The following C12orf75 variants were observed in gnomAD, a reference collection of about 807,000 sequenced individuals.
The protein encoded by C12orf75 is overexpressed in colon carcinoma 1 protein.
Under a neutral mutation model 11.4 loss-of-function variants are expected in C12orf75, and 4 were observed. The observed-to-expected ratio is 0.35, with a 90% CI of 0.17 to 0.80. C12orf75 has a LOEUF of 0.80. Ranked by LOEUF, C12orf75 falls within the 30% of genes least tolerant of loss-of-function variation. The probability of loss-of-function intolerance (pLI) is 0.52; values close to 1 mark genes in which losing one functional copy is unlikely to be tolerated. For synonymous variants in C12orf75, 30 were observed against 30.0 expected (o/e 1.00, Z 0.00); for missense variants, 89 against 80.4 (o/e 1.11, Z -0.41).
At chr12:105,369,765 A>C (rs765398240) in intron 5 of C12orf75, among the ~76,000 whole-genome samples, 7 of 152,142 alleles carry the variant, frequency 4.6e-5, no homozygotes, top group Non-Finnish European at 8.8e-5. Context: ...CCTCCTTTGA[A>C]TTATCTGAAA....
chr12:105,357,841 GAGACAGACAGAC>G (rs548894494), intron 2 of C12orf75, among the ~76,000 whole-genome samples: 2 of 149,088 alleles, frequency 1.3e-5, no homozygotes, highest in Admixed American at 6.7e-5. Context: ...GAGAGAGAGA[GAGACAGACAGAC>G]AGACAGACAG....
At chr12:105,347,922 T>C (rs1472776582) in intron 1 of C12orf75, among the ~76,000 whole-genome samples, 1 of 152,192 alleles carries the variant, frequency 6.6e-6, no homozygotes, top group African/African-American at 2.4e-5. Context: ...GACACCAACT[T>C]AAAAGGTGTA....
chr12:105,368,244 C>G (rs1871533854), intron 5 of C12orf75, among the ~76,000 whole-genome samples: 2 of 152,152 alleles, frequency 1.3e-5, no homozygotes, highest in Non-Finnish European at 2.9e-5. Context: ...CTGGGTCCAC[C>G]AAGGGTCCAA....
intron 2 of C12orf75, among the ~76,000 whole-genome samples, chr12:105,359,034 G>A (rs1242321425): frequency 6.6e-6 from 1 of 152,140 alleles, no homozygotes; most frequent in Admixed American, 6.5e-5. Flanking sequence ...GCAAGAGCAG[G>A]ATTTGTCTTG....
At position 105,368,474 on chromosome 12, in the gene C12orf75, C is replaced by G. The variant is rs183697342; in HGVS notation, c.*33+965C>G. On this transcript the variant is annotated intron_variant, in intron 5 of 5. Coordinates refer to ENST00000443585, the MANE Select transcript of C12orf75 (RefSeq NM_001145199.2). The stretch of plus-strand genomic sequence containing the variant: ...CAGTTTTGTTATCTGAAAAATGGAG[C>G]CAATACTTAGACTGAAGAGTTGTTG... Among the ~76,000 whole-genome samples the G allele has an allele frequency of 8.5e-5, 13 of 152,258 alleles. No individual in the cohort carries two copies. In the East Asian group the frequency reaches 2.5e-3, roughly 29 times the overall value.
At chr12:105,368,844 C>T (rs1327491344) in intron 5 of C12orf75, among the ~76,000 whole-genome samples, 3 of 152,098 alleles carry the variant, frequency 2.0e-5, no homozygotes, top group Non-Finnish European at 2.9e-5. Context: ...AGTTTTATCC[C>T]CTCGTACCCA....
At chr12:105,356,439 C>CTTTTT (rs77310165) in intron 2 of C12orf75, among the ~76,000 whole-genome samples, 13 of 106,320 alleles carry the variant, frequency 1.2e-4, no homozygotes, top group South Asian at 3.5e-4. Flanking sequence ...AGACTACAGG[C>CTTTTT]TTTTTTTTTT....
At chr12:105,355,177 T>C (rs1566140098) in intron 2 of C12orf75, among the ~76,000 whole-genome samples, 1 of 126,046 alleles carries the variant, frequency 7.9e-6, no homozygotes, top group African/African-American at 3.1e-5. Flanking sequence ...TCTTTTTCTT[T>C]TTCTTTTTTT....
At chr12:105,344,085 G>T (rs1031630478) in intron 1 of C12orf75, among the ~76,000 whole-genome samples, 7 of 152,174 alleles carry the variant, frequency 4.6e-5, no homozygotes, top group African/African-American at 1.7e-4. Flanking sequence ...CCTTGATGGT[G>T]CCCATAGCTT....
At chr12:105,356,573 C>T (rs1474943281) in intron 2 of C12orf75, among the ~76,000 whole-genome samples, 1 of 151,284 alleles carries the variant, frequency 6.6e-6, no homozygotes, top group Non-Finnish European at 1.5e-5. Context: ...TTCTAGAAGC[C>T]TAAGGGAAGT....
intron 1 of C12orf75, among the ~76,000 whole-genome samples, chr12:105,340,430 C>CAAAA (rs60658476): frequency 3.9e-4 from 45 of 115,396 alleles, no homozygotes; most frequent in African/African-American, 1.2e-3. Flanking sequence ...GTGCCCCCGC[C>CAAAA]AAAAAAAAAA....
At chr12:105,348,508 T>G in intron 1 of C12orf75, 94 bp from the exon 2 acceptor site, 1 of 762,390 alleles carries the variant, frequency 1.3e-6, no homozygotes, top group Middle Eastern at 3.4e-4. Flanking sequence ...CATTTTCTCT[T>G]CAGGAATATT....
chr12:105,340,114 G>C (rs932511623), intron 1 of C12orf75, among the ~76,000 whole-genome samples: 1 of 151,966 alleles, frequency 6.6e-6, no homozygotes, highest in African/African-American at 2.4e-5. Flanking sequence ...CCAAGATATT[G>C]TGTCCATCTA....
intron 1 of C12orf75, among the ~76,000 whole-genome samples, chr12:105,345,419 G>A (rs1892625954): frequency 1.3e-5 from 2 of 151,872 alleles, no homozygotes; most frequent in Admixed American, 1.3e-4. Context: ...GAACCCAGGA[G>A]GCGGAGGTTG....
rs78053971 is a variant in C12orf75 at position 105,335,068 on chromosome 12, T to C, written c.46+4131T>C. Among the ~76,000 whole-genome samples, 518 of 152,372 alleles carry C rather than the reference T, an allele frequency of 3.4e-3. 3 individuals are homozygous for C. Among genetic ancestry groups the C allele is most frequent in the African/African-American group, 0.011 (475 of 41,584 alleles). On this transcript the variant is annotated intron_variant, in intron 1 of 5. Coordinates refer to ENST00000443585, the MANE Select transcript of C12orf75 (RefSeq NM_001145199.2). ...AGTTGAATTTTTTCTGCCAGAGATA[T>C]GTAATTGGTAACTGATCTTAACTTT... is the stretch of plus-strand genomic sequence containing the variant.
rs970968719 is a variant in C12orf75, at chr12:105,338,481, G to T, written c.46+7544G>T. Among the ~76,000 whole-genome samples, 9 of 152,056 alleles carry T rather than the reference G, an allele frequency of 5.9e-5. No homozygotes were observed. The South Asian group carries it at 1.9e-3, about 32-fold the overall frequency. The stretch of plus-strand genomic sequence containing the variant: ...GAGCCACTGCGCCTGGCCATTTTTT[G>T]GTTTTTACTTGCCTAAAGTATAGCT... On this transcript the variant is annotated intron_variant, in intron 1 of 5. Transcript: ENST00000443585.
intron 1 of C12orf75, among the ~76,000 whole-genome samples, chr12:105,346,112 G>C (rs973655116): frequency 4.6e-5 from 7 of 152,002 alleles, no homozygotes; most frequent in African/African-American, 1.7e-4. Flanking sequence ...TCAACCAATT[G>C]CCAATCAGGA....
rs151193218 is a variant in C12orf75 at position 105,331,545 on chromosome 12, G to A, written c.46+608G>A. Among the ~76,000 whole-genome samples the A allele has an allele frequency of 6.6e-3, 1,002 of 152,062 alleles. 14 individuals carry two copies. Among genetic ancestry groups the A allele is most frequent in the African/African-American group, 0.023 (957 of 41,458 alleles). On this transcript the variant is annotated intron_variant, in intron 1 of 5. Transcript: ENST00000443585. ...AGCAGTAAGGATGTTTTACATATGT[G>A]AGACAGAGCTTTATTATTAACAGTC...
At chr12:105,349,377 C>T (rs1302616944) in intron 2 of C12orf75, among the ~76,000 whole-genome samples, 2 of 152,182 alleles carry the variant, frequency 1.3e-5, no homozygotes, top group African/African-American at 2.4e-5. Context: ...TCACATGAGG[C>T]TTTCTGGGGA....
Sources: gnomAD v4.1 joint callset for allele counts (sites outside exome capture counted in the v4.1 genomes callset) on GRCh38, gnomAD v4.1.1 for gene constraint, MANE v1.5 for transcripts, NCBI Gene and HGNC (gene_info 2026-07-23, HGNC 2026-07-21) for gene names.